Variants in SLC38A7 observed in about 807,000 individuals in gnomAD.
The protein encoded by SLC38A7 is solute carrier family 38 member 7.
A neutral mutation model predicts 50.1 loss-of-function variants in SLC38A7; 29 were observed. That is an observed-to-expected ratio of 0.58 (90% CI 0.43 to 0.79). The LOEUF is 0.79. Among genes scored for constraint, SLC38A7 ranks in the 30% least tolerant of loss-of-function variants. SLC38A7 has a pLI of 0.00. For missense variants in SLC38A7, 483 were observed against 610.6 expected, an observed-to-expected ratio of 0.79 and a Z score of 2.20; for synonymous variants, 244 against 245.9, an observed-to-expected ratio of 0.99 and a Z score of 0.07.
chr16:58,677,788 A>G (rs1405641391), intron 5 of SLC38A7, among the ~76,000 whole-genome samples: 1 of 152,172 alleles, frequency 6.6e-6, no homozygotes, highest in Non-Finnish European at 1.5e-5. Flanking sequence ...CTGGCCTTTG[A>G]GAACTAAGAG....
intron 8 of SLC38A7, 60 bp from the exon 9 acceptor site, chr16:58,672,303 ACTC>A: frequency 6.6e-7 from 1 of 1,513,666 alleles, no homozygotes. Flanking sequence ...TGGACTGTCC[ACTC>A]CTCCTAGGAG....
rs548905021 is a variant in SLC38A7, at chr16:58,672,107, G to A, written c.1020C>T (p.His340=). The A allele has an allele frequency of 1.9e-6, 3 of 1,557,932 alleles. No homozygotes were observed. The highest frequency in any genetic ancestry group is 2.7e-5 in the African/African-American group (2 of 73,380). ...LSVLTSYPIL[H]FCGRAVVEGL... ...GGAAGGGGGCTCACCGCCCACAGAAGTGCAGGATAGGGTAGGAGGTGAGCA... is the reference window on the plus strand; with the variant it reads ...GGAAGGGGGCTCACCGCCCACAGAAATGCAGGATAGGGTAGGAGGTGAGCA... Residue 340 remains histidine (H), a synonymous_variant, in exon 9 of 12, where the codon CAC becomes CAT. Coordinates refer to ENST00000219320, the MANE Select transcript of SLC38A7 (RefSeq NM_018231.3).
At chr16:58,670,293 A>G (rs1320537377) in intron 10 of SLC38A7, 126 bp from the exon 11 acceptor site, 7 of 852,492 alleles carry the variant, frequency 8.2e-6, no homozygotes, top group Non-Finnish European at 1.3e-5. Context: ...TAGAAATTCC[A>G]TCTCTGCCCC....
intron 6 of SLC38A7, among the ~76,000 whole-genome samples, chr16:58,676,916 T>C (rs2044279341): frequency 6.6e-6 from 1 of 151,980 alleles, no homozygotes; most frequent in Admixed American, 6.6e-5. Flanking sequence ...GGCCTCCCAA[T>C]GTGCTGGGAT....
chr16:58,676,934 G>A (rs372231691), intron 6 of SLC38A7, among the ~76,000 whole-genome samples: 3 of 151,896 alleles, frequency 2.0e-5, no homozygotes, highest in Admixed American at 6.6e-5. Flanking sequence ...GATTACAGGC[G>A]TGAGCCATTG....
In SLC38A7 at chr16:58,676,176, C is replaced by A. The variant is rs531611256; in HGVS notation, c.768+113G>T. The A allele has an allele frequency of 1.2e-4, 194 of 1,561,572 alleles. 2 individuals are homozygous for A. The South Asian group carries it at 2.2e-3, about 17-fold the overall frequency. ...GCAAGTCCTGAGGCCCCTGTTCCAT[C>A]CTTCCCCCCAGGATTTCCTCCATTC... On this transcript the variant is annotated intron_variant, in intron 7 of 11. Transcript: ENST00000219320.
At position 58,678,156 on chromosome 16, in the gene SLC38A7, T is replaced by A. The variant is rs2044308436; in HGVS notation, c.611+177A>T. 6.6e-6 allele frequency among the ~76,000 whole-genome samples: 1 copy of A among 152,138 alleles called. No homozygotes were observed. Among genetic ancestry groups the A allele is most frequent in the South Asian group, 2.1e-4 (1 of 4,826 alleles). ...TCATGGATGCATCCTTTTTCTATGA[T>A]GGAGACAGAAAAGGATGGTCTTATC... is the stretch of plus-strand genomic sequence containing the variant. On this transcript the variant is annotated intron_variant, in intron 5 of 11. Coordinates refer to ENST00000219320, the MANE Select transcript of SLC38A7 (RefSeq NM_018231.3). The surrounding 1 kb of genome is among the most constrained non-coding windows in gnomAD (Gnocchi z 4.0).
intron 8 of SLC38A7, among the ~76,000 whole-genome samples, chr16:58,673,534 T>G (rs530204009): frequency 1.2e-4 from 18 of 151,852 alleles, no homozygotes; most frequent in African/African-American, 3.9e-4. Context: ...AGCCCTAATT[T>G]TTTTATTTTT....
rs140010248 is a variant in SLC38A7 at position 58,675,971 on chromosome 16, C to T, written c.852G>A (p.Met284Ile). 103 of 1,613,368 alleles carry T rather than the reference C, an allele frequency of 6.4e-5. No homozygotes were observed. The highest frequency in any genetic ancestry group is 3.3e-4 in the Middle Eastern group (2 of 6,084). Reference protein sequence around the residue: ...KTWGGVVTAAMVIALAVYMGT... With the variant: ...KTWGGVVTAAIVIALAVYMGT... ...CCATGTAGACAGCGAGGGCTATGAC[C>T]ATGGCAGCTGTCACCACTCCACCCC... Residue 284 changes from methionine to isoleucine, a missense_variant, in exon 8 of 12, where the codon ATG becomes ATA. Transcript: ENST00000219320.
intron 2 of SLC38A7, 176 bp downstream of exon 2, chr16:58,683,779 C>T (rs1404154440): frequency 4.6e-5 from 7 of 152,592 alleles, no homozygotes; most frequent in African/African-American, 1.4e-4. Flanking sequence ...CACCCCTGCC[C>T]GAGTCCTGCA....
intron 9 of SLC38A7, 133 bp from the exon 10 acceptor site, chr16:58,671,377 G>A (rs1028172386): frequency 4.8e-6 from 4 of 825,470 alleles, no homozygotes; most frequent in African/African-American, 3.4e-5. Flanking sequence ...TTCCTCTTCT[G>A]TAAAATGGGC....
intron 5 of SLC38A7, among the ~76,000 whole-genome samples, chr16:58,677,745 C>T (rs12934244): frequency 0.16 from 23,762 of 152,146 alleles, 2,041 homozygotes; most frequent in Middle Eastern, 0.21. Flanking sequence ...CAGCCCAGCC[C>T]GGGCAGGGGC....
chr16:58,680,170 T>C lies in SLC38A7; in HGVS notation c.-44A>G. 6.7e-7 allele frequency: 1 copy of C among 1,498,736 alleles called. No homozygotes were observed. Among genetic ancestry groups the C allele is most frequent in the African/African-American group, 1.4e-5 (1 of 71,472 alleles). The allele number at this position is 1,498,736 out of a possible 1,614,324, so 92.8% of individuals were successfully genotyped here. On this transcript the variant is annotated 5_prime_UTR_variant, in exon 3 of 12. The change abolishes the stop of an existing upstream ORF in the 5' untranslated region. Coordinates refer to ENST00000219320, the MANE Select transcript of SLC38A7 (RefSeq NM_018231.3). Reference sequence around the variant, plus strand: ...CCTGCAAGGTCTGTGGGTTCTGCCTTACAACCACATGCCTCAGGGAGCTGA... The same window carrying C: ...CCTGCAAGGTCTGTGGGTTCTGCCTCACAACCACATGCCTCAGGGAGCTGA...
At chr16:58,673,485 C>T (rs1357067455) in intron 8 of SLC38A7, among the ~76,000 whole-genome samples, 3 of 151,992 alleles carry the variant, frequency 2.0e-5, no homozygotes, top group Admixed American at 2.0e-4. Context: ...CCGCCTGCCT[C>T]GGGAAGTGCT....
Position 58,667,360 on chromosome 16 carries a change from C to A in SLC38A7, c.*25G>T, listed in dbSNP as rs1194337966. On this transcript the variant is annotated 3_prime_UTR_variant, in exon 12 of 12. Transcript: ENST00000219320. ...GGGTTCCTGCGACCAATGGCAAAGG[C>A]CTTGTGTTCCCTGGGAGGCAGTGGT... 6.2e-7 allele frequency: 1 copy of A among 1,611,268 alleles called. No individual in the cohort carries two copies. Among genetic ancestry groups the A allele is most frequent in the African/African-American group, 1.3e-5 (1 of 74,980 alleles).
At chr16:58,667,668 T>C (rs2044067990) in intron 11 of SLC38A7, among the ~76,000 whole-genome samples, 181 bp from the exon 12 acceptor site, 1 of 152,038 alleles carries the variant, frequency 6.6e-6, no homozygotes, top group South Asian at 2.1e-4. Flanking sequence ...CCCTAGTCCA[T>C]AGGTAAGAAG....
Position 58,671,121 on chromosome 16 carries a change from C to G in SLC38A7, c.1155G>C (p.Ala385=). The G allele has an allele frequency of 6.2e-7, 1 of 1,613,908 alleles. No homozygotes were observed. Residue 385 remains alanine, a synonymous_variant, in exon 10 of 12, where the codon GCG becomes GCC. Transcript: ENST00000219320. The part of the protein sequence containing the change: ...LVWFLLTLLL[A]LFIPDIGKVI... ...CCTTGCCGATGTCAGGGATGAAGAGCGCCAGCAGCAGGGTGAGCAGGAACC... is the reference window on the plus strand; with the variant it reads ...CCTTGCCGATGTCAGGGATGAAGAGGGCCAGCAGCAGGGTGAGCAGGAACC...
chr16:58,679,252 C>T (rs1261197251), intron 3 of SLC38A7, among the ~76,000 whole-genome samples: 1 of 151,804 alleles, frequency 6.6e-6, no homozygotes, highest in Non-Finnish European at 1.5e-5. Flanking sequence ...ATTAGCTGGG[C>T]ATGGTGGTGG....
rs573744702 is a variant in SLC38A7 at position 58,680,217 on chromosome 16, C to G, written c.-91G>C. 4.2e-3 allele frequency: 5,994 copies of G among 1,417,222 alleles called. 15 individuals are homozygous for G. The highest frequency in any genetic ancestry group is 5.0e-3 in the Non-Finnish European group (5,381 of 1,078,168). 87.8% of individuals were successfully genotyped at this position (1,417,222 alleles called of 1,614,324 possible). A position where few individuals can be genotyped will look rare whatever the true frequency, so the allele number is the denominator to read the frequency against. ...CTGAGCAACACCCACCTGTTTGGGG[C>G]TGTTAGCTTAGGACTCTTCTCAACC... On this transcript the variant is annotated 5_prime_UTR_variant, in exon 3 of 12. Transcript: ENST00000219320.
Sources: allele counts gnomAD v4.1 joint callset (sites outside exome capture counted in the v4.1 genomes callset), GRCh38; gene constraint gnomAD v4.1.1; non-coding constraint Gnocchi (gnomAD v3.1); transcripts MANE v1.5; gene names NCBI Gene and HGNC (gene_info 2026-07-23, HGNC 2026-07-21).